The following IRGM variants were observed in gnomAD, a reference collection of about 807,000 sequenced individuals.
IRGM encodes immunity related GTPase M, also known as immunity-related GTPase family M protein.
For synonymous variants in IRGM, 98 were observed against 80.6 expected, an observed-to-expected ratio of 1.22 and a Z score of -1.16; for missense variants, 288 against 219.9, an observed-to-expected ratio of 1.31 and a Z score of -1.96.
chr5:150,892,291 A>C (rs566213415), intron 3 of IRGM, among the ~76,000 whole-genome samples: 1 of 142,564 alleles, frequency 7.0e-6, no homozygotes, highest in South Asian at 2.2e-4. Context: ...CCAATTCAGA[A>C]AACGGTGTGG....
intron 1 of IRGM, among the ~76,000 whole-genome samples, chr5:150,865,168 A>G (rs951939926): frequency 3.3e-5 from 5 of 152,254 alleles, no homozygotes; most frequent in African/African-American, 1.2e-4. Context: ...CGTTAACATT[A>G]TTGACATATA....
Position 150,856,432 on chromosome 5 carries a change from AAAAT to A in IRGM, c.158+7794_158+7797del, listed in dbSNP as rs543608670. 6.6e-3 allele frequency among the ~76,000 whole-genome samples: 1,001 copies of A among 152,248 alleles called. 11 individuals are homozygous for A. Among genetic ancestry groups the A allele is most frequent in the African/African-American group, 0.023 (947 of 41,534 alleles). On this transcript the variant is annotated intron_variant and NMD_transcript_variant, in intron 1 of 3. Transcript: ENST00000520549. ...GGCAACAGAGCGAGACGTTGTCTCA[AAAAT>A]AAATAAATAAATAAAAATTATAAAA...
At chr5:150,870,835 G>T (rs550900727) in intron 1 of IRGM, among the ~76,000 whole-genome samples, 16 of 151,894 alleles carry the variant, frequency 1.1e-4, no homozygotes, top group Non-Finnish European at 1.9e-4. Context: ...CTGTTTTTTT[G>T]TTGTTGTTAT....
rs1161158267 is a variant in IRGM at position 150,896,420 on chromosome 5, T to G, written c.*141-4169T>G. 3.7e-6 allele frequency: 6 copies of G among 1,613,710 alleles called. No homozygotes were observed. In the South Asian group the frequency reaches 4.4e-5, roughly 12 times the overall value. The stretch of plus-strand genomic sequence containing the variant: ...ACTTCTTAGCAAAGGCTTTTCCACA[T>G]GTAACACATACACAGCTTTTCTCTT... On this transcript the variant is annotated intron_variant and NMD_transcript_variant, in intron 3 of 3. Coordinates refer to the IRGM transcript ENST00000520549.
At position 150,896,029 on chromosome 5, in the gene IRGM, T is replaced by A. The variant is rs770077751; in HGVS notation, c.*141-4560T>A. 4 of 1,613,536 alleles carry A rather than the reference T, an allele frequency of 2.5e-6. No individual in the cohort carries two copies. The South Asian group carries it at 3.3e-5, about 13-fold the overall frequency. On this transcript the variant is annotated intron_variant and NMD_transcript_variant, in intron 3 of 3. Coordinates refer to the IRGM transcript ENST00000520549. ...GTACACTCATACGGCTTCTCTCCAG[T>A]ATGAGCTCTGTGGTGTATAATCAGC...
chr5:150,887,784 C>A (rs942906082), intron 3 of IRGM, among the ~76,000 whole-genome samples: 4 of 151,764 alleles, frequency 2.6e-5, no homozygotes, highest in Admixed American at 1.3e-4. Flanking sequence ...AAGATTTAAA[C>A]CTGCCTCACA....
chr5:150,856,836 CT>C (rs112223601), intron 1 of IRGM, among the ~76,000 whole-genome samples: 4,997 of 148,056 alleles, frequency 0.034, 269 homozygotes, highest in African/African-American at 0.12. Flanking sequence ...CATCCATTTT[CT>C]TTTTTTATTT....
rs1268947987 is a variant in IRGM, at chr5:150,862,125, A to AT, written c.158+13477dup. Reference sequence around the variant, plus strand: ...CTCACTCACATTATTGGCAGAATTCATTTTTTCAAGAGTTTTTTCCTTGTT... The same window carrying AT: ...CTCACTCACATTATTGGCAGAATTCATTTTTTTCAAGAGTTTTTTCCTTGTT... On this transcript the variant is annotated intron_variant and NMD_transcript_variant, in intron 1 of 3. Coordinates refer to the IRGM transcript ENST00000520549. 4.6e-5 allele frequency among the ~76,000 whole-genome samples: 7 copies of AT among 152,268 alleles called. No individual in the cohort carries two copies. In the South Asian group the frequency reaches 1.0e-3, roughly 23 times the overall value.
chr5:150,849,355 C>A (rs914976026), downstream of IRGM, among the ~76,000 whole-genome samples: 1 of 150,214 alleles, frequency 6.7e-6, no homozygotes, highest in South Asian at 2.1e-4. Context: ...CTTTAACTAA[C>A]GAAGGAATAT....
chr5:150,848,229 A>G lies in IRGM; in HGVS notation c.106A>G (p.Ile36Val). ...GATAGTGTCCAGGACACCAGTTAAC[A>G]TCACTATGGCAGGGGACTCTGGCAA... Reference protein sequence around the residue: ...LKIVSRTPVNITMAGDSGNGM... With the variant: ...LKIVSRTPVNVTMAGDSGNGM... The change falls in exon 2 of 2, where the codon ATC (isoleucine) becomes GTC (valine). Residue 36 changes from isoleucine (I) to valine (V), a missense_variant. Ile to Val is a conservative substitution (Grantham distance 29). Coordinates refer to ENST00000522154, the MANE Select transcript of IRGM (RefSeq NM_001145805.2). 2 of 1,551,838 alleles carry G rather than the reference A, an allele frequency of 1.3e-6. No individual in the cohort carries two copies. Among genetic ancestry groups the G allele is most frequent in the Non-Finnish European group, 1.7e-6 (2 of 1,146,964 alleles).
downstream of IRGM, among the ~76,000 whole-genome samples, chr5:150,850,636 A>G (rs1336182223): frequency 6.6e-6 from 1 of 152,056 alleles, no homozygotes; most frequent in Non-Finnish European, 1.5e-5. Context: ...TTATTAGCTT[A>G]CTTGAGCCTC....
At chr5:150,875,576 C>G (rs976598399) in intron 1 of IRGM, among the ~76,000 whole-genome samples, 4 of 152,164 alleles carry the variant, frequency 2.6e-5, no homozygotes, top group Admixed American at 2.0e-4. Context: ...TTTTAATAAT[C>G]AAGTGGATAG....
Position 150,848,548 on chromosome 5 carries a change from A to G in IRGM, c.425A>G (p.Tyr142Cys), listed in dbSNP as rs1018634990. The G allele has an allele frequency of 1.3e-6, 2 of 1,551,752 alleles. No homozygotes were observed. The highest frequency in any genetic ancestry group is 1.7e-6 in the Non-Finnish European group (2 of 1,146,986). Reference protein sequence around the residue: ...KTAEDMGKKFYIVWTKLDMDL... With the variant: ...KTAEDMGKKFCIVWTKLDMDL... ...GCTGAGGACATGGGAAAGAAGTTCTACATTGTCTGGACCAAGCTAGACATG... is the reference window on the plus strand; with the variant it reads ...GCTGAGGACATGGGAAAGAAGTTCTGCATTGTCTGGACCAAGCTAGACATG... The change falls in exon 2 of 2, where the codon TAC becomes TGC. Residue 142 changes from tyrosine to cysteine, a missense_variant. By Grantham distance (194) the Tyr-to-Cys change is radical (BLOSUM62 -2). Transcript: ENST00000522154.
At chr5:150,885,100 A>T (rs11739619) in intron 3 of IRGM, among the ~76,000 whole-genome samples, 31,830 of 152,110 alleles carry the variant, frequency 0.21, 5,382 homozygotes, top group African/African-American at 0.45. Context: ...TATATGGTGT[A>T]AGAAAGGGGT....
downstream of IRGM, among the ~76,000 whole-genome samples, chr5:150,850,090 C>A (rs567102726): frequency 5.3e-5 from 8 of 152,114 alleles, no homozygotes; most frequent in Non-Finnish European, 8.8e-5. Flanking sequence ...ACCCAGTAGC[C>A]AGGCTGGTTT....
intron 3 of IRGM, chr5:150,896,605 G>GT: frequency 6.2e-6 from 10 of 1,613,464 alleles, no homozygotes; most frequent in South Asian, 3.3e-5. Context: ...CTCTGATCAG[G>GT]TTTTTTTCTT....
chr5:150,847,915 G>C lies in IRGM; in HGVS notation c.-209G>C, dbSNP rs183819000. 2.4e-4 allele frequency: 132 copies of C among 540,162 alleles called. No homozygotes were observed. Among genetic ancestry groups the C allele is most frequent in the African/African-American group, 2.2e-3 (114 of 52,896 alleles). The allele number at this position is 540,162 out of a possible 1,614,324, so 33.5% of individuals were successfully genotyped here. A position where few individuals can be genotyped will look rare whatever the true frequency, so the allele number is the denominator to read the frequency against. On this transcript the variant is annotated 5_prime_UTR_variant, in exon 2 of 2. Coordinates refer to ENST00000522154, the MANE Select transcript of IRGM (RefSeq NM_001145805.2). ...CGTCCAGGGTTCAAGCGATTCCCCT[G>C]CCTCAGCCTCCTGTATTAGCTGGGA...
intron 3 of IRGM, among the ~76,000 whole-genome samples, chr5:150,880,702 C>T (rs1471432903): frequency 2.0e-5 from 3 of 152,202 alleles, no homozygotes; most frequent in African/African-American, 4.8e-5. Context: ...TGTTAAATAA[C>T]TTTCACTTTT....
intron 3 of IRGM, among the ~76,000 whole-genome samples, chr5:150,886,528 C>T (rs1383972360): frequency 6.6e-6 from 1 of 151,916 alleles, no homozygotes; most frequent in African/African-American, 2.4e-5. Flanking sequence ...CCATGAAGTC[C>T]TAGGCTTTTT....
Sources: gnomAD v4.1 joint callset for allele counts (sites outside exome capture counted in the v4.1 genomes callset) on GRCh38, gnomAD v4.1.1 for gene constraint, MANE v1.5 for transcripts, NCBI Gene and HGNC (gene_info 2026-07-23, HGNC 2026-07-21) for gene names.